Variants in CTNNA2 observed in about 807,000 individuals in gnomAD.
CTNNA2 encodes the protein catenin alpha 2.
CTNNA2 carries 42 observed loss-of-function variants against 101.0 expected under a neutral mutation model. That is an observed-to-expected ratio of 0.42 (90% confidence interval 0.32 to 0.54). CTNNA2 has a LOEUF of 0.54. Among genes scored for constraint, CTNNA2 ranks in the 20% least tolerant of loss-of-function variants. The pLI, the probability that CTNNA2 is intolerant of heterozygous loss-of-function variation, is 0.14. For missense variants in CTNNA2, 871 were observed against 1,223.1 expected (o/e 0.71, Z 4.29); for synonymous variants, 450 against 456.4 (o/e 0.99, Z 0.18).
At chr2:79,654,376 G>C (rs1165817392) in intron 2 of CTNNA2, among the ~76,000 whole-genome samples, 4 of 152,160 alleles carry the variant, frequency 2.6e-5, no homozygotes, top group Non-Finnish European at 4.4e-5. Context: ...GACCAGTGTG[G>C]CTCTAGGGAG....
At chr2:79,232,603 A>G (rs1674509368) in intron 2 of CTNNA2, among the ~76,000 whole-genome samples, 1 of 152,212 alleles carries the variant, frequency 6.6e-6, no homozygotes, top group African/African-American at 2.4e-5. Context: ...GAATAGTTTC[A>G]CTGTGATTGG....
intron 1 of CTNNA2, among the ~76,000 whole-genome samples, chr2:79,191,292 C>A (rs1481708823): frequency 6.6e-6 from 1 of 152,222 alleles, no homozygotes; most frequent in African/African-American, 2.4e-5. Context: ...CCATTTTGAA[C>A]AAATGATTTA....
chr2:79,997,803 C>G (rs1446140644), intron 7 of CTNNA2, among the ~76,000 whole-genome samples: 1 of 152,146 alleles, frequency 6.6e-6, no homozygotes, highest in Non-Finnish European at 1.5e-5. Context: ...GTTGCACCTC[C>G]TTGGCCATGG....
chr2:79,600,745 A>G (rs1014370101), intron 1 of CTNNA2, among the ~76,000 whole-genome samples: 2 of 152,192 alleles, frequency 1.3e-5, no homozygotes, highest in East Asian at 3.9e-4. Context: ...TCTCACGGTT[A>G]TGGAGGCTGT....
chr2:80,632,954 C>G (rs1672456807), intron 18 of CTNNA2, among the ~76,000 whole-genome samples: 1 of 152,178 alleles, frequency 6.6e-6, no homozygotes, highest in Non-Finnish European at 1.5e-5. Flanking sequence ...AGTGTCCAAA[C>G]TTTCACAGCC....
At chr2:79,430,878 G>A (rs1678652657) in intron 4 of CTNNA2, among the ~76,000 whole-genome samples, 1 of 135,066 alleles carries the variant, frequency 7.4e-6, no homozygotes, top group Non-Finnish European at 1.6e-5. Flanking sequence ...TCATTATATT[G>A]TGTACACTAT....
At chr2:80,406,542 G>A (rs1679077478) in intron 8 of CTNNA2, among the ~76,000 whole-genome samples, 1 of 151,150 alleles carries the variant, frequency 6.6e-6, no homozygotes, top group Admixed American at 6.6e-5. Flanking sequence ...GTTGAAAGGG[G>A]ATGGCTGGGC....
intron 7 of CTNNA2, among the ~76,000 whole-genome samples, chr2:80,282,245 C>T (rs1674440265): frequency 6.6e-6 from 1 of 151,718 alleles, no homozygotes; most frequent in African/African-American, 2.4e-5. Context: ...AAACCATTTC[C>T]CTGTTATTTA....
chr2:80,192,667 C>T (rs968349250), intron 7 of CTNNA2, among the ~76,000 whole-genome samples: 32 of 152,232 alleles, frequency 2.1e-4, no homozygotes, highest in Admixed American at 1.1e-3. Flanking sequence ...GCTAGGGTTA[C>T]GGCACTAGCC....
chr2:80,079,133 C>G (rs1460737805), intron 7 of CTNNA2, among the ~76,000 whole-genome samples: 2 of 152,170 alleles, frequency 1.3e-5, no homozygotes, highest in Admixed American at 6.5e-5. Context: ...GATGGATTGT[C>G]CCCTTACTTC....
intron 7 of CTNNA2, among the ~76,000 whole-genome samples, chr2:80,010,558 C>T (rs889791697): frequency 6.6e-6 from 1 of 152,100 alleles, no homozygotes; most frequent in African/African-American, 2.4e-5. Flanking sequence ...TGTGTCTTGG[C>T]CTTCCAAAGT....
intron 9 of CTNNA2, among the ~76,000 whole-genome samples, chr2:80,485,434 T>G (rs1228815853): frequency 6.6e-6 from 1 of 152,180 alleles, no homozygotes; most frequent in Non-Finnish European, 1.5e-5. Flanking sequence ...TATTTAGTGG[T>G]CAAGTTGTAT....
intron 1 of CTNNA2, among the ~76,000 whole-genome samples, chr2:79,605,116 T>G (rs1223995771): frequency 6.6e-6 from 1 of 152,212 alleles, no homozygotes; most frequent in Non-Finnish European, 1.5e-5. Flanking sequence ...ATGACTGTAT[T>G]CTAGATGTTT....
intron 7 of CTNNA2, among the ~76,000 whole-genome samples, chr2:80,134,017 G>C (rs527414732): frequency 6.6e-6 from 1 of 152,074 alleles, no homozygotes. Context: ...CTCAGAGTAC[G>C]TGACAATGAC....
chr2:80,239,152 A>C (rs1227980516), intron 7 of CTNNA2, among the ~76,000 whole-genome samples: 1 of 152,178 alleles, frequency 6.6e-6, no homozygotes, highest in Non-Finnish European at 1.5e-5. Context: ...GATTACAATT[A>C]TTATGCTATT....
intron 7 of CTNNA2, among the ~76,000 whole-genome samples, chr2:80,164,302 A>G (rs1900261): frequency 0.013 from 1,979 of 151,830 alleles, 15 homozygotes; most frequent in African/African-American, 0.019. Context: ...TTACTTATCT[A>G]TAATATATCT....
chr2:80,273,100 A>T (rs2149143046), intron 7 of CTNNA2, among the ~76,000 whole-genome samples: 1 of 152,316 alleles, frequency 6.6e-6, no homozygotes, highest in African/African-American at 2.4e-5. Context: ...GAAGGAGAGA[A>T]GGAAGGAGGA....
intron 3 of CTNNA2, among the ~76,000 whole-genome samples, chr2:79,778,236 C>T (rs1384667135): frequency 7.0e-6 from 1 of 142,322 alleles, no homozygotes; most frequent in Non-Finnish European, 1.5e-5. Context: ...GTCCCAGCTA[C>T]TTGGGAGGCT....
At chr2:79,592,572 C>T (rs1010889829) in intron 1 of CTNNA2, among the ~76,000 whole-genome samples, 14 of 151,982 alleles carry the variant, frequency 9.2e-5, no homozygotes, top group Admixed American at 2.0e-4. Context: ...TTATCTTCTC[C>T]GCATTCAGCA....
Sources: allele counts gnomAD v4.1 joint callset (sites outside exome capture counted in the v4.1 genomes callset), GRCh38; gene constraint gnomAD v4.1.1; transcripts MANE v1.5; gene names NCBI Gene and HGNC (gene_info 2026-07-23, HGNC 2026-07-21).